KLHL32: variants seen among roughly 807,000 people sequenced by gnomAD.
KLHL32 encodes the protein kelch like family member 32.
In KLHL32, 35 loss-of-function variants were observed where a neutral mutation model predicts 64.8. That is an observed-to-expected ratio of 0.54 (90% confidence interval 0.41 to 0.72). The LOEUF (loss-of-function observed/expected upper bound fraction) is 0.72. KLHL32 is among the 30% of genes least tolerant of loss of function. KLHL32 has a pLI of 0.00. For missense variants in KLHL32, 589 were observed against 768.5 expected, an observed-to-expected ratio of 0.77 and a Z score of 2.76; for synonymous variants, 259 against 281.0, an observed-to-expected ratio of 0.92 and a Z score of 0.78.
At chr6:97,060,093 C>T (rs1037957199) in intron 4 of KLHL32, among the ~76,000 whole-genome samples, 1 of 152,154 alleles carries the variant, frequency 6.6e-6, no homozygotes, top group Non-Finnish European at 1.5e-5. Flanking sequence ...TTAACATGCT[C>T]AAATCCTTCA....
intron 1 of KLHL32, among the ~76,000 whole-genome samples, chr6:96,935,601 C>T (rs1411706016): frequency 1.3e-5 from 2 of 152,098 alleles, no homozygotes; most frequent in Non-Finnish European, 2.9e-5. Context: ...GGCCATCCAG[C>T]CAAAATTATC....
rs1799571509 is a variant in KLHL32 at position 97,132,725 on chromosome 6, A to G, written c.1679A>G (p.Asn560Ser). 1 of 1,612,872 alleles carries G rather than the reference A, an allele frequency of 6.2e-7. No homozygotes were observed. The highest frequency in any genetic ancestry group is 1.1e-5 in the South Asian group (1 of 90,906). Residue 560 changes from asparagine to serine, a missense_variant, in exon 10 of 11, where the codon AAT becomes AGT. Asn to Ser is a conservative substitution (Grantham distance 46). Coordinates refer to ENST00000369261, the MANE Select transcript of KLHL32 (RefSeq NM_052904.4). ...GTTGGTGGATATTCAATTTGGACAA[A>G]TGAGCCTCTGGCTTGTATCCAGGTG... is the stretch of plus-strand genomic sequence containing the variant. ...YLVGGYSIWT[N>S]EPLACIQVLD... is the part of the protein sequence containing the mutation.
intron 2 of KLHL32, among the ~76,000 whole-genome samples, chr6:96,972,532 A>G (rs984188011): frequency 6.6e-6 from 1 of 152,214 alleles, no homozygotes; most frequent in Admixed American, 6.5e-5. Flanking sequence ...AAGCCAGGAC[A>G]CTGTCTGCAC....
At chr6:97,104,886 T>C (rs570535227) in intron 6 of KLHL32, among the ~76,000 whole-genome samples, 1 of 152,348 alleles carries the variant, frequency 6.6e-6, no homozygotes, top group East Asian at 1.9e-4. Flanking sequence ...AAACTTTTCA[T>C]TTGGTCTCAA....
At chr6:96,925,734 G>A (rs990401616) in intron 1 of KLHL32, among the ~76,000 whole-genome samples, 22 of 152,214 alleles carry the variant, frequency 1.4e-4, no homozygotes, top group African/African-American at 4.6e-4. Context: ...ACGTAAGAAG[G>A]TAGCATTCAT....
At chr6:96,956,049 T>C (rs1476189369) in intron 1 of KLHL32, among the ~76,000 whole-genome samples, 1 of 152,190 alleles carries the variant, frequency 6.6e-6, no homozygotes, top group Non-Finnish European at 1.5e-5. Context: ...ACAATCATAC[T>C]GGAAGGTGAA....
At chr6:96,989,416 A>G (rs1214629540) in intron 3 of KLHL32, among the ~76,000 whole-genome samples, 1 of 152,192 alleles carries the variant, frequency 6.6e-6, no homozygotes, top group African/African-American at 2.4e-5. Context: ...AGAATGCTGA[A>G]TATAGGCCCC....
intron 8 of KLHL32, among the ~76,000 whole-genome samples, chr6:97,129,280 A>G (rs995496727): frequency 2.6e-5 from 4 of 152,176 alleles, no homozygotes; most frequent in African/African-American, 9.7e-5. Flanking sequence ...CTATGTATTC[A>G]AAACATCGTA....
intron 3 of KLHL32, among the ~76,000 whole-genome samples, chr6:97,039,089 CAAAAAAAAAAAAA>C: frequency 1.3e-5 from 1 of 75,092 alleles, no homozygotes; most frequent in Admixed American, 1.6e-4. Flanking sequence ...GACTCTGTCT[CAAAAAAAAAAAAA>C]AAAGAAAAAA....
chr6:96,940,628 T>G (rs1237255321), intron 1 of KLHL32, among the ~76,000 whole-genome samples: 2 of 152,194 alleles, frequency 1.3e-5, no homozygotes, highest in African/African-American at 2.4e-5. Context: ...TAGCCCTGCT[T>G]AAGCAGCCCC....
chr6:97,108,235 G>C (rs886860911), intron 6 of KLHL32, among the ~76,000 whole-genome samples: 5 of 152,208 alleles, frequency 3.3e-5, no homozygotes, highest in Middle Eastern at 3.4e-3. Context: ...AAATCCTAGA[G>C]TTTATGGTGA....
intron 6 of KLHL32, among the ~76,000 whole-genome samples, chr6:97,105,011 G>A (rs911512959): frequency 6.6e-6 from 1 of 152,116 alleles, no homozygotes; most frequent in Non-Finnish European, 1.5e-5. Context: ...CATGATTCAC[G>A]TTAAAGAGGT....
At chr6:96,903,261 T>A in the KLHL32 span, among the ~76,000 whole-genome samples, 4,924 of 151,450 alleles carry the variant, frequency 0.033, 123 homozygotes, top group Middle Eastern at 0.071. Context: ...TGAAAGAAAA[T>A]ATATATAAAT....
At chr6:96,964,969 G>A (rs893474765) in intron 1 of KLHL32, among the ~76,000 whole-genome samples, 2 of 152,104 alleles carry the variant, frequency 1.3e-5, no homozygotes, top group Non-Finnish European at 2.9e-5. Context: ...CCCAGGTAAC[G>A]AGCAATGGAG....
At chr6:97,061,756 C>T (rs1005874051) in intron 4 of KLHL32, among the ~76,000 whole-genome samples, 1 of 152,142 alleles carries the variant, frequency 6.6e-6, no homozygotes, top group Non-Finnish European at 1.5e-5. Context: ...GTTCTTTTGG[C>T]CAGTCCTTCG....
intron 1 of KLHL32, among the ~76,000 whole-genome samples, chr6:96,963,446 C>T (rs67810395): frequency 0.13 from 19,721 of 152,140 alleles, 1,569 homozygotes; most frequent in East Asian, 0.27. Context: ...TGAAAATGTT[C>T]TTTATAAATG....
intron 7 of KLHL32, among the ~76,000 whole-genome samples, chr6:97,125,961 A>T (rs566512594): frequency 6.6e-6 from 1 of 152,298 alleles, no homozygotes; most frequent in Admixed American, 6.5e-5. Flanking sequence ...AGAAGTTATG[A>T]TTACAAGTTT....
chr6:96,995,636 G>A (rs1373450292), intron 3 of KLHL32, among the ~76,000 whole-genome samples: 1 of 151,932 alleles, frequency 6.6e-6, no homozygotes, highest in Non-Finnish European at 1.5e-5. Context: ...TCCACCTCAG[G>A]GCCTTTGCAC....
chr6:96,993,161 A>T (rs1044215652), intron 3 of KLHL32, among the ~76,000 whole-genome samples: 2 of 152,162 alleles, frequency 1.3e-5, no homozygotes, highest in African/African-American at 4.8e-5. Flanking sequence ...TTTTCCTTAT[A>T]CTCAGTATTT....
Sources: allele counts gnomAD v4.1 joint callset (sites outside exome capture counted in the v4.1 genomes callset), GRCh38; gene constraint gnomAD v4.1.1; transcripts MANE v1.5; gene names NCBI Gene and HGNC (gene_info 2026-07-23, HGNC 2026-07-21).